Variants in OCIAD1 observed in about 807,000 individuals in gnomAD.
OCIAD1 encodes OCIA domain containing 1.
Under a neutral mutation model 38.9 loss-of-function variants are expected in OCIAD1, and 29 were observed. That is an observed-to-expected ratio of 0.74 (90% CI 0.55 to 1.02). The LOEUF is 1.02. Among genes scored for constraint, OCIAD1 ranks in the 50% least tolerant of loss-of-function variants. The probability of loss-of-function intolerance (pLI) is 0.00; values close to 1 mark genes in which losing one functional copy is unlikely to be tolerated. For missense variants in OCIAD1, 288 were observed against 289.6 expected (o/e 0.99, Z 0.04); for synonymous variants, 110 against 92.0 (o/e 1.20, Z -1.12).
At chr4:48,853,289 T>C (rs1372800861) in intron 7 of OCIAD1, among the ~76,000 whole-genome samples, 1 of 152,230 alleles carries the variant, frequency 6.6e-6, no homozygotes, top group Admixed American at 6.5e-5. Context: ...CTTTATTTAC[T>C]TTGCCAGATA....
rs1472960887 is a variant in OCIAD1, at chr4:48,861,737, T to C, written c.*975T>C. On this transcript the variant is annotated 3_prime_UTR_variant, in exon 9 of 9. Coordinates refer to ENST00000264312, the MANE Select transcript of OCIAD1 (RefSeq NM_017830.4). ...GATTTATGTAGATAAATTGATAATA[T>C]AGTAAATAGGTAAATGCCTTAAAAA... 6.6e-6 allele frequency: 1 copy of C among 152,150 alleles called. No individual in the cohort carries two copies. The highest frequency in any genetic ancestry group is 2.4e-5 in the African/African-American group (1 of 41,454). 9.4% of individuals were successfully genotyped at this position (152,150 alleles called of 1,614,324 possible). A position where few individuals can be genotyped will look rare whatever the true frequency, so the allele number is the denominator to read the frequency against.
intron 2 of OCIAD1, 126 bp from the exon 3 acceptor site, chr4:48,833,275 G>A (rs1560417192): frequency 7.9e-6 from 5 of 632,080 alleles, no homozygotes; most frequent in Non-Finnish European, 1.4e-5. Flanking sequence ...AAGTGCATAA[G>A]CCAGTTGTTT....
intron 1 of OCIAD1, among the ~76,000 whole-genome samples, chr4:48,810,916 G>C (rs1367220114): frequency 2.4e-5 from 3 of 126,316 alleles, no homozygotes; most frequent in African/African-American, 6.1e-5. Flanking sequence ...TTTTTTTTGA[G>C]ACGGAGTCTC....
intron 1 of OCIAD1, among the ~76,000 whole-genome samples, chr4:48,811,745 G>A (rs144116296): frequency 9.8e-5 from 15 of 152,306 alleles, no homozygotes; most frequent in Middle Eastern, 6.8e-3. Context: ...TTTATGTAGA[G>A]TGAGAGAGAA....
chr4:48,822,874 A>G (rs1341495898), intron 1 of OCIAD1, among the ~76,000 whole-genome samples: 2 of 152,244 alleles, frequency 1.3e-5, no homozygotes, highest in African/African-American at 4.8e-5. Context: ...GGTGATTATT[A>G]AAAAGTCAGG....
chr4:48,848,270 A>G (rs923619041), intron 4 of OCIAD1, 129 bp from the exon 5 acceptor site: 12 of 461,526 alleles, frequency 2.6e-5, no homozygotes, highest in African/African-American at 1.8e-4. Context: ...GGTTTTCCCT[A>G]TTAAACAGTC....
At chr4:48,809,386 C>T (rs1169158169) in intron 1 of OCIAD1, among the ~76,000 whole-genome samples, 5 of 151,904 alleles carry the variant, frequency 3.3e-5, no homozygotes, top group African/African-American at 4.8e-5. Context: ...TAACTGGGAG[C>T]GGTGGTGGGC....
intron 1 of OCIAD1, among the ~76,000 whole-genome samples, chr4:48,814,406 A>C (rs1170222744): frequency 6.6e-6 from 1 of 151,100 alleles, no homozygotes. Context: ...CTAACTTTTG[A>C]CTGAGAGCTG....
intron 2 of OCIAD1, 183 bp downstream of exon 2, chr4:48,832,865 G>C (rs1236181011): frequency 3.9e-5 from 23 of 591,518 alleles, no homozygotes; most frequent in Non-Finnish European, 6.6e-5. Context: ...GGAGTCCCAC[G>C]TTTTTATTTT....
chr4:48,853,645 A>G (rs1033598805), intron 7 of OCIAD1, among the ~76,000 whole-genome samples: 9 of 152,238 alleles, frequency 5.9e-5, no homozygotes, highest in Admixed American at 5.2e-4. Flanking sequence ...CGCTAGCCAT[A>G]TGTGGCTATT....
At chr4:48,850,194 A>G (rs1779310271) in intron 6 of OCIAD1, 112 bp downstream of exon 6, 1 of 1,114,200 alleles carries the variant, frequency 9.0e-7, no homozygotes, top group Non-Finnish European at 1.3e-6. Flanking sequence ...GATACTTGCC[A>G]TTTGCTGTAG....
chr4:48,841,667 A>G (rs1164019513), intron 3 of OCIAD1, among the ~76,000 whole-genome samples: 3 of 152,156 alleles, frequency 2.0e-5, no homozygotes, highest in African/African-American at 7.2e-5. Context: ...AATGGGGGGA[A>G]CTGTTTACCA....
intron 6 of OCIAD1, among the ~76,000 whole-genome samples, chr4:48,850,640 C>T (rs1307980011): frequency 1.3e-5 from 2 of 152,120 alleles, no homozygotes; most frequent in African/African-American, 4.8e-5. Context: ...GTGGCGTGAT[C>T]TCGGCTCACT....
At chr4:48,858,682 T>TG (rs1206980067) in intron 8 of OCIAD1, among the ~76,000 whole-genome samples, 1 of 152,208 alleles carries the variant, frequency 6.6e-6, no homozygotes, top group Non-Finnish European at 1.5e-5. Flanking sequence ...CTCAAACTCC[T>TG]GGGCTCAACC....
At chr4:48,854,626 G>GC (rs371402541) in intron 7 of OCIAD1, among the ~76,000 whole-genome samples, 1 of 152,138 alleles carries the variant, frequency 6.6e-6, no homozygotes, top group African/African-American at 2.4e-5. Context: ...AGACTACTTA[G>GC]CAAGGCCATG....
chr4:48,846,811 T>G (rs1351703971), intron 4 of OCIAD1, among the ~76,000 whole-genome samples: 2 of 152,034 alleles, frequency 1.3e-5, no homozygotes, highest in Non-Finnish European at 2.9e-5. Context: ...AAATTAGAGC[T>G]TTTTATAGGG....
chr4:48,841,804 G>C (rs1197477578), intron 3 of OCIAD1, among the ~76,000 whole-genome samples: 2 of 151,998 alleles, frequency 1.3e-5, no homozygotes, highest in Non-Finnish European at 2.9e-5. Context: ...TTAAGTTATA[G>C]CCCCCTTTGA....
intron 1 of OCIAD1, among the ~76,000 whole-genome samples, chr4:48,822,918 C>T (rs940068077): frequency 3.2e-4 from 49 of 152,224 alleles, no homozygotes; most frequent in African/African-American, 9.1e-4. Context: ...GTGGAGAAAT[C>T]GGAACGCTTT....
At chr4:48,830,375 G>A (rs1202272615), upstream of OCIAD1, among the ~76,000 whole-genome samples, 1 of 152,188 alleles carries the variant, frequency 6.6e-6, no homozygotes, top group African/African-American at 2.4e-5. Flanking sequence ...GACTGGATTT[G>A]CCCACTGTTT....
Sources: allele counts gnomAD v4.1 joint callset (sites outside exome capture counted in the v4.1 genomes callset), GRCh38; gene constraint gnomAD v4.1.1; transcripts MANE v1.5; gene names NCBI Gene and HGNC (gene_info 2026-07-23, HGNC 2026-07-21).